The following KIAA1671 variants were observed in gnomAD, a reference collection of about 807,000 sequenced individuals.
The protein encoded by KIAA1671 is uncharacterized protein KIAA1671.
In KIAA1671, 52 loss-of-function variants were observed where a neutral mutation model predicts 131.2. The ratio of observed to expected loss-of-function variants is 0.40; its 90% CI spans 0.32 to 0.50. The LOEUF is 0.50. Among genes scored for constraint, KIAA1671 ranks in the 20% least tolerant of loss-of-function variants. The probability of loss-of-function intolerance (pLI) is 0.73; values close to 1 mark genes in which losing one functional copy is unlikely to be tolerated. For synonymous variants in KIAA1671, 1,003 were observed against 961.6 expected (o/e 1.04, Z -0.80); for missense variants, 2,360 against 2,364.2 (o/e 1.00, Z 0.04).
intron 6 of KIAA1671, among the ~76,000 whole-genome samples, chr22:25,081,635 C>T (rs1201184338): frequency 1.4e-5 from 2 of 144,454 alleles, no homozygotes; most frequent in African/African-American, 2.6e-5. Context: ...TTTTTTTAAG[C>T]ATGTGCAGAG....
intron 1 of KIAA1671, among the ~76,000 whole-genome samples, chr22:24,995,353 AG>A (rs1213767342): frequency 8.3e-6 from 1 of 120,762 alleles, no homozygotes; most frequent in African/African-American, 3.4e-5. Context: ...CGCCCGGCCA[AG>A]GTTTTTTTTT....
In KIAA1671 at chr22:25,123,603, A is replaced by C. The variant is rs57887217; in HGVS notation, c.4531-47217A>C. On this transcript the variant is annotated intron_variant, in intron 6 of 12. Transcript: ENST00000358431. Reference sequence around the variant, plus strand: ...TGAGGACCCTCAAGCAGCCCTGTAGAGAGGCCCATATGGTGAGGAACTGAA... The same window carrying C: ...TGAGGACCCTCAAGCAGCCCTGTAGCGAGGCCCATATGGTGAGGAACTGAA... Among the ~76,000 whole-genome samples the C allele has an allele frequency of 1.2e-3, 188 of 152,292 alleles. 1 individual carries two copies. The highest frequency in any genetic ancestry group is 4.4e-3 in the African/African-American group (183 of 41,556).
chr22:25,143,792 T>C (rs1353482778), intron 6 of KIAA1671, among the ~76,000 whole-genome samples: 1 of 152,224 alleles, frequency 6.6e-6, no homozygotes, highest in South Asian at 2.1e-4. Context: ...CTGGACCAAG[T>C]TGATCCTGTT....
intron 6 of KIAA1671, among the ~76,000 whole-genome samples, chr22:25,094,588 G>A (rs1238165878): frequency 2.0e-5 from 3 of 152,148 alleles, no homozygotes; most frequent in South Asian, 2.1e-4. Context: ...CATAACCCCC[G>A]GGCCTTCCTC....
At chr22:25,042,485 G>C (rs1428943962) in intron 5 of KIAA1671, among the ~76,000 whole-genome samples, 1 of 15,080 alleles carries the variant, frequency 6.6e-5, no homozygotes, top group African/African-American at 3.2e-4. Flanking sequence ...TTTTTTTTTT[G>C]AGACGGAGTC....
At chr22:25,009,702 C>T (rs1025531255) in intron 1 of KIAA1671, 3 of 152,206 alleles carry the variant, frequency 2.0e-5, no homozygotes, top group African/African-American at 7.2e-5. Flanking sequence ...CTGCCTCAGC[C>T]TCCTGGGTAG....
At chr22:24,965,330 G>A (rs1308884133) in intron 1 of KIAA1671, among the ~76,000 whole-genome samples, 1 of 151,432 alleles carries the variant, frequency 6.6e-6, no homozygotes, top group African/African-American at 2.4e-5. Context: ...CGAGAAAATC[G>A]CTTGAACCCG....
chr22:24,974,556 G>A (rs972650258), intron 1 of KIAA1671, among the ~76,000 whole-genome samples: 4 of 151,970 alleles, frequency 2.6e-5, no homozygotes, highest in African/African-American at 9.7e-5. Context: ...AGTCATTCTT[G>A]TATCACTTCG....
chr22:25,143,245 C>G (rs147488205), intron 6 of KIAA1671, among the ~76,000 whole-genome samples: 4 of 152,208 alleles, frequency 2.6e-5, no homozygotes, highest in Non-Finnish European at 5.9e-5. Context: ...AGCAGACACA[C>G]AAGAACTCCC....
intron 1 of KIAA1671, among the ~76,000 whole-genome samples, chr22:24,999,105 G>A (rs753263966): frequency 6.6e-5 from 10 of 152,110 alleles, no homozygotes; most frequent in South Asian, 2.1e-4. Context: ...CAAAATGTTC[G>A]TGCCAATTTA....
chr22:25,138,000 C>T (rs1479678771), intron 6 of KIAA1671, among the ~76,000 whole-genome samples: 1 of 152,216 alleles, frequency 6.6e-6, no homozygotes, highest in African/African-American at 2.4e-5. Flanking sequence ...AGTAGATTCT[C>T]AGTGTACAAT....
chr22:25,149,676 G>A (rs1343985918), intron 6 of KIAA1671, among the ~76,000 whole-genome samples: 1 of 152,108 alleles, frequency 6.6e-6, no homozygotes, highest in African/African-American at 2.4e-5. Flanking sequence ...GGCCTCTGTG[G>A]CCTCTCACCT....
At chr22:24,972,503 T>C (rs1179147438) in intron 1 of KIAA1671, among the ~76,000 whole-genome samples, 1 of 152,228 alleles carries the variant, frequency 6.6e-6, no homozygotes, top group African/African-American at 2.4e-5. Context: ...CATCCATCCA[T>C]ATATGCATCC....
At chr22:25,025,607 G>GTGATGGGATTTTTGTGC (rs1925909354) in intron 1 of KIAA1671, 26 bp from the exon 2 acceptor site, 1 of 152,224 alleles carries the variant, frequency 6.6e-6, no homozygotes, top group Non-Finnish European at 1.5e-5. Flanking sequence ...CTCCGGAACT[G>GTGATGGGATTTTTGTGC]AGGCTGTCAT....
At chr22:25,060,108 C>G (rs1928081027) in intron 6 of KIAA1671, 1 of 152,130 alleles carries the variant, frequency 6.6e-6, no homozygotes, top group South Asian at 2.1e-4. Flanking sequence ...CCCTTGCATC[C>G]CAGCTCTTCC....
At chr22:24,969,861 A>C (rs73157953) in intron 1 of KIAA1671, among the ~76,000 whole-genome samples, 5,956 of 152,272 alleles carry the variant, frequency 0.039, 176 homozygotes, top group Non-Finnish European at 0.06. Flanking sequence ...ATGAGGATTA[A>C]ATGAGTGAAG....
At chr22:25,166,676 G>A (rs2146004620) in intron 6 of KIAA1671, among the ~76,000 whole-genome samples, 1 of 152,312 alleles carries the variant, frequency 6.6e-6, no homozygotes, top group Non-Finnish European at 1.5e-5. Flanking sequence ...TTATGTGCCA[G>A]GCAGTGAGCT....
intron 1 of KIAA1671, among the ~76,000 whole-genome samples, chr22:24,966,773 T>A (rs1261146895): frequency 6.6e-6 from 1 of 151,970 alleles, no homozygotes; most frequent in Non-Finnish European, 1.5e-5. Flanking sequence ...GGCAACAGAG[T>A]GAGACCCTGT....
chr22:25,035,371 G>A (rs1926532412), intron 4 of KIAA1671, among the ~76,000 whole-genome samples: 1 of 152,050 alleles, frequency 6.6e-6, no homozygotes, highest in African/African-American at 2.4e-5. Flanking sequence ...CTTTTCTCTT[G>A]GGTAAACATC....
Sources: gnomAD v4.1 joint callset for allele counts (sites outside exome capture counted in the v4.1 genomes callset) on GRCh38, gnomAD v4.1.1 for gene constraint, MANE v1.5 for transcripts, NCBI Gene and HGNC (gene_info 2026-07-23, HGNC 2026-07-21) for gene names.